The following TRIM31 variants were observed in gnomAD, a reference collection of about 807,000 sequenced individuals.
TRIM31 encodes tripartite motif containing 31.
In TRIM31, 31 loss-of-function variants were observed where a neutral mutation model predicts 40.6. The observed-to-expected ratio is 0.76, with a 90% confidence interval of 0.57 to 1.03. The LOEUF is 1.03. Among genes scored for constraint, TRIM31 ranks in the 50% least tolerant of loss-of-function variants. The pLI, the probability that TRIM31 is intolerant of heterozygous loss-of-function variation, is 0.00. For synonymous variants in TRIM31, 164 were observed against 193.9 expected, an observed-to-expected ratio of 0.85 and a Z score of 1.28; for missense variants, 455 against 497.5, an observed-to-expected ratio of 0.91 and a Z score of 0.81.
At chr6:30,111,063 A>G (rs1769264654) in intron 3 of TRIM31, among the ~76,000 whole-genome samples, 1 of 117,922 alleles carries the variant, frequency 8.5e-6, no homozygotes, top group Non-Finnish European at 1.7e-5. Context: ...ACAGTCTCTC[A>G]CTCTGTCACT....
chr6:30,110,406 TG>T lies in TRIM31; in HGVS notation c.744+41del, dbSNP rs1769173176. 5.6e-6 allele frequency: 9 copies of T among 1,592,980 alleles called. No homozygotes were observed. The East Asian group carries it at 2.0e-4, about 36-fold the overall frequency. Reference sequence around the variant, plus strand: ...CCATGCTCTGACCTGAGACTAGGGATGGGCTGCTACCTCTCTGCAATTCTGC... The same window carrying T: ...CCATGCTCTGACCTGAGACTAGGGATGGCTGCTACCTCTCTGCAATTCTGC... On this transcript the variant is annotated intron_variant, in intron 4 of 8. Transcript: ENST00000376734.
In TRIM31 at chr6:30,113,051, T is replaced by C. The variant is rs568852949; in HGVS notation, c.-84+13A>G. ...AATATTATAAAGAGAGGAAAACAGA[T>C]GGGCAGTCCTACCTTGCTACCTCTT... On this transcript the variant is annotated intron_variant, in intron 1 of 8. Coordinates refer to ENST00000376734, the MANE Select transcript of TRIM31 (RefSeq NM_007028.5). 1.7e-3 allele frequency: 856 copies of C among 490,870 alleles called. 4 individuals are homozygous for C. Among genetic ancestry groups the C allele is most frequent in the Middle Eastern group, 5.6e-3 (11 of 1,966 alleles). 30.4% of individuals were successfully genotyped at this position (490,870 alleles called of 1,614,324 possible).
chr6:30,105,963 G>A (rs373830655), intron 6 of TRIM31, among the ~76,000 whole-genome samples: 3 of 152,356 alleles, frequency 2.0e-5, no homozygotes, highest in Middle Eastern at 3.4e-3. Context: ...GGGCTTGAGA[G>A]GGGGAACGAA....
chr6:30,111,436 C>G (rs1414665153), intron 3 of TRIM31: 4 of 553,170 alleles, frequency 7.2e-6, no homozygotes, highest in East Asian at 3.0e-5. Context: ...CGTGCCCCAC[C>G]TTGTCTGCCG....
intron 7 of TRIM31, 132 bp downstream of exon 7, chr6:30,105,036 C>T: frequency 1.3e-6 from 1 of 772,490 alleles, no homozygotes; most frequent in Non-Finnish European, 2.2e-6. Flanking sequence ...AACCATATGC[C>T]TGTTCTCTCA....
At position 30,111,805 on chromosome 6, in the gene TRIM31, C is replaced by G; in HGVS notation, c.418-62G>C. ...GAGATTTCTGGCCTCATAAAATCCT[C>G]CTGGTCTCTTAGGAGAGCTGGTGAC... On this transcript the variant is annotated intron_variant, in intron 2 of 8. Coordinates refer to ENST00000376734, the MANE Select transcript of TRIM31 (RefSeq NM_007028.5). 3.3e-6 allele frequency: 5 copies of G among 1,516,316 alleles called. No individual in the cohort carries two copies. The South Asian group carries it at 5.6e-5, about 17-fold the overall frequency. The allele number at this position is 1,516,316 out of a possible 1,614,324, so 93.9% of individuals were successfully genotyped here.
intron 3 of TRIM31, chr6:30,111,208 CT>C (rs567538088): frequency 7.6e-3 from 1,244 of 163,164 alleles, no homozygotes; most frequent in South Asian, 0.018. Context: ...AGTTTTCTTT[CT>C]TTTTTTTTTT....
chr6:30,106,597 G>GA (rs147839000), intron 6 of TRIM31, among the ~76,000 whole-genome samples: 18,929 of 148,280 alleles, frequency 0.13, 1,571 homozygotes, highest in East Asian at 0.29. Flanking sequence ...AAAAATAAGA[G>GA]AAAAAAAAAA....
At chr6:30,109,186 C>G (rs2127388679) in intron 4 of TRIM31, 138 bp from the exon 5 acceptor site, 2 of 787,084 alleles carry the variant, frequency 2.5e-6, no homozygotes, top group South Asian at 2.9e-5. Flanking sequence ...CCCCATCCTC[C>G]TCCCCTCTCC....
chr6:30,111,962 T>G (rs1769376693), intron 2 of TRIM31: 1 of 593,402 alleles, frequency 1.7e-6, no homozygotes, highest in South Asian at 2.1e-5. Flanking sequence ...TATTTATGAC[T>G]AACTAGGACT....
chr6:30,103,780 G>A lies in TRIM31; in HGVS notation c.1034C>T (p.Thr345Ile). 6.2e-7 allele frequency: 1 copy of A among 1,612,996 alleles called. No individual in the cohort carries two copies. The highest frequency in any genetic ancestry group is 1.1e-5 in the South Asian group (1 of 91,086). The change falls in exon 9 of 9, where the codon ACT (threonine) becomes ATT (isoleucine). Residue 345 changes from threonine to isoleucine, a missense_variant. Thr to Ile is a moderately conservative substitution (Grantham distance 89). Transcript: ENST00000376734. ...EPGSSSAGGR[T>I]TSGPPNHHSS... The stretch of plus-strand genomic sequence containing the variant: ...GTGGTGATTTGGTGGCCCCGATGTA[G>A]TTCTGCCGCCTTTGCGGGAGAAGGA...
chr6:30,110,576 G>A lies in TRIM31; in HGVS notation c.616C>T (p.Leu206=), dbSNP rs769523342. 6.2e-7 allele frequency: 1 copy of A among 1,614,192 alleles called. No homozygotes were observed. The highest frequency in any genetic ancestry group is 8.5e-7 in the Non-Finnish European group (1 of 1,180,034). The change falls in exon 4 of 9, where the codon CTG becomes TTG. Residue 206 remains leucine, a synonymous_variant. Coordinates refer to ENST00000376734, the MANE Select transcript of TRIM31 (RefSeq NM_007028.5). ...KNFLLSRIYW[L]GHEGTEAGKH... is the part of the protein sequence containing the mutation. Reference sequence around the variant, plus strand: ...CCCGCTTCCGTTCCCTCATGACCCAGCCAGTAAATCCGTGATAGCAGGAAA... The same window carrying A: ...CCCGCTTCCGTTCCCTCATGACCCAACCAGTAAATCCGTGATAGCAGGAAA...
rs765020449 is a variant in TRIM31 at position 30,103,698 on chromosome 6, A to T, written c.1116T>A (p.Phe372Leu). 1 of 1,613,028 alleles carries T rather than the reference A, an allele frequency of 6.2e-7. No homozygotes were observed. The highest frequency in any genetic ancestry group is 8.5e-7 in the Non-Finnish European group (1 of 1,180,038). The change falls in exon 9 of 9, where the codon TTT becomes TTA. Residue 372 changes from phenylalanine to leucine, a missense_variant. Coordinates refer to ENST00000376734, the MANE Select transcript of TRIM31 (RefSeq NM_007028.5). Reference protein sequence around the residue: ...FRASSAGKVTFPVCLLASYDE... With the variant: ...FRASSAGKVTLPVCLLASYDE... ...CATAAGAGGCCAGGAGACATACTGG[A>T]AAAGTGACTTTCCCAGCAGACGAGG...
At chr6:30,105,270 G>T (rs779391452) in intron 6 of TRIM31, 28 bp from the exon 7 acceptor site, 100 of 1,587,748 alleles carry the variant, frequency 6.3e-5, no homozygotes, top group Non-Finnish European at 8.1e-5. Flanking sequence ...GGATGAAATG[G>T]TGAGAGTCCA....
Position 30,112,614 on chromosome 6 carries a change from T to A in TRIM31, c.192A>T (p.Ala64=), listed in dbSNP as rs1225893921. 2 of 1,613,022 alleles carry A rather than the reference T, an allele frequency of 1.2e-6. No individual in the cohort carries two copies. The highest frequency in any genetic ancestry group is 1.7e-5 in the Admixed American group (1 of 60,008). Residue 64 remains alanine (A), a synonymous_variant, in exon 2 of 9, where the codon GCA becomes GCT. Transcript: ENST00000376734. ...PLCKTSVRKN[A]IRFNSLLRNL... ...TCCGCAACAGCGAGTTGAACCTGAT[T>A]GCGTTCTTCCTTACGGAAGTTTTGC...
Position 30,111,756 on chromosome 6 carries a change from G to A in TRIM31, c.418-13C>T. ...CTTGAATCTGCCCCTGCGGAAAGAG[G>A]GCCGTTTGGACAGGCTGTGCCTGGA... On this transcript the variant is annotated splice_polypyrimidine_tract_variant and intron_variant, in intron 2 of 8. Transcript: ENST00000376734. 6.2e-7 allele frequency: 1 copy of A among 1,613,934 alleles called. No homozygotes were observed. Among genetic ancestry groups the A allele is most frequent in the Non-Finnish European group, 8.5e-7 (1 of 1,179,822 alleles).
chr6:30,105,326 T>A, intron 6 of TRIM31, 84 bp from the exon 7 acceptor site: 1 of 1,028,164 alleles, frequency 9.7e-7, no homozygotes, highest in Non-Finnish European at 1.5e-6. Context: ...AGGCACTAAT[T>A]TGAAATGCCT....
Position 30,109,041 on chromosome 6 carries a change from T to C in TRIM31, c.752A>G (p.Lys251Arg), listed in dbSNP as rs1769031270. 6.2e-7 allele frequency: 1 copy of C among 1,612,818 alleles called. No homozygotes were observed. Among genetic ancestry groups the C allele is most frequent in the Non-Finnish European group, 8.5e-7 (1 of 1,180,002 alleles). Residue 251 changes from lysine to arginine, a missense_variant, in exon 5 of 9, where the codon AAA becomes AGA. Physicochemically the swap from Lys to Arg is conservative, Grantham distance 26. Coordinates refer to ENST00000376734, the MANE Select transcript of TRIM31 (RefSeq NM_007028.5). Reference sequence around the variant, plus strand: ...CCCATCATACCTGCACAAGACGACTTTGATATCCTAGAAGAGAAAGAGAAA... The same window carrying C: ...CCCATCATACCTGCACAAGACGACTCTGATATCCTAGAAGAGAAAGAGAAA... The part of the protein sequence containing the change: ...MPPRQLLEDI[K>R]VVLCRSEEFQ...
Position 30,103,395 on chromosome 6 carries a change from G to T in TRIM31, c.*141C>A. The T allele has an allele frequency of 1.3e-5, 13 of 1,033,314 alleles. No homozygotes were observed. The highest frequency in any genetic ancestry group is 1.6e-5 in the Non-Finnish European group (11 of 701,486). 64.0% of individuals were successfully genotyped at this position (1,033,314 alleles called of 1,614,324 possible). On this transcript the variant is annotated 3_prime_UTR_variant, in exon 9 of 9. Transcript: ENST00000376734. ...CCCGCCCCCATCTCCACTCTCAGTA[G>T]CCCGAGCCCTCCCATTCTCCACTCC...
Sources: gnomAD v4.1 joint callset for allele counts (sites outside exome capture counted in the v4.1 genomes callset) on GRCh38, gnomAD v4.1.1 for gene constraint, MANE v1.5 for transcripts, NCBI Gene and HGNC (gene_info 2026-07-23, HGNC 2026-07-21) for gene names.